The following IFT74 variants were observed in gnomAD, a reference collection of about 807,000 sequenced individuals.
IFT74 encodes the protein intraflagellar transport protein 74 homolog.
IFT74 carries 92 observed loss-of-function variants against 96.7 expected under a neutral mutation model. The observed-to-expected ratio is 0.95, with a 90% CI of 0.80 to 1.13. The LOEUF is 1.13. Ranked by LOEUF, IFT74 falls within the 50% of genes most tolerant of loss-of-function variation. IFT74 has a pLI of 0.00. For synonymous variants in IFT74, 223 were observed against 213.2 expected, an observed-to-expected ratio of 1.05 and a Z score of -0.40; for missense variants, 811 against 698.2, an observed-to-expected ratio of 1.16 and a Z score of -1.82.
At chr9:26,988,616 C>A (rs1024390267) in intron 6 of IFT74, 53 bp from the exon 7 acceptor site, 3 of 1,439,664 alleles carry the variant, frequency 2.1e-6, no homozygotes, top group Non-Finnish European at 2.8e-6. Flanking sequence ...TTATAGAGAA[C>A]ATGTGTAAAG....
Position 26,996,570 on chromosome 9 carries a change from A to G in IFT74, c.587+6375A>G, listed in dbSNP as rs1014760683. On this transcript the variant is annotated intron_variant, in intron 8 of 19. Coordinates refer to ENST00000380062, the MANE Select transcript of IFT74 (RefSeq NM_025103.4). ...GTTAACAACATTTTATAATTGTTTT[A>G]TCTAGAATTTTTGACATATTTGTCA... 7.3e-6 allele frequency: 8 copies of G among 1,102,644 alleles called. No individual in the cohort carries two copies. The Admixed American group carries it at 1.4e-4, about 20-fold the overall frequency. 68.3% of individuals were successfully genotyped at this position (1,102,644 alleles called of 1,614,324 possible). A position where few individuals can be genotyped will look rare whatever the true frequency, so the allele number is the denominator to read the frequency against.
intron 13 of IFT74, among the ~76,000 whole-genome samples, chr9:27,035,251 T>C (rs1222687100): frequency 6.6e-6 from 1 of 152,262 alleles, no homozygotes; most frequent in Non-Finnish European, 1.5e-5. Flanking sequence ...TTCCCGTCAG[T>C]ATTTCCTTCA....
At chr9:26,974,842 C>T (rs1827035601) in intron 2 of IFT74, among the ~76,000 whole-genome samples, 1 of 152,132 alleles carries the variant, frequency 6.6e-6, no homozygotes, top group Non-Finnish European at 1.5e-5. Flanking sequence ...TTTTTTCAAA[C>T]TTTGCACCTC....
At chr9:26,948,448 A>ATTATTATTTTTTT (rs1825819541) in intron 1 of IFT74, among the ~76,000 whole-genome samples, 8 of 59,162 alleles carry the variant, frequency 1.4e-4, no homozygotes, top group Non-Finnish European at 3.1e-4. Context: ...GCTTTCCATT[A>ATTATTATTTTTTT]TTTTTTTTTT....
At chr9:27,016,684 A>G (rs1026693110) in intron 10 of IFT74, among the ~76,000 whole-genome samples, 10 of 152,208 alleles carry the variant, frequency 6.6e-5, no homozygotes, top group African/African-American at 2.2e-4. Flanking sequence ...AACTAAGGCT[A>G]TCAACTTCTT....
At chr9:26,981,589 T>G (rs1827376348) in intron 4 of IFT74, among the ~76,000 whole-genome samples, 1 of 152,010 alleles carries the variant, frequency 6.6e-6, no homozygotes, top group Non-Finnish European at 1.5e-5. Context: ...TAATTTTGTG[T>G]GTGTGTTTTT....
intron 8 of IFT74, among the ~76,000 whole-genome samples, chr9:27,008,363 C>CT (rs776804561): frequency 0.012 from 1,746 of 145,528 alleles, 16 homozygotes; most frequent in African/African-American, 0.03. Context: ...ACTTATTTGT[C>CT]TTTTTTTTTT....
chr9:27,055,812 TG>T (rs1201634965), intron 17 of IFT74, 40 bp downstream of exon 17: 1 of 1,323,958 alleles, frequency 7.6e-7, no homozygotes, highest in Non-Finnish European at 1.0e-6. Context: ...CAATTCAGAT[TG>T]TTTTTTTCTT....
intron 10 of IFT74, among the ~76,000 whole-genome samples, chr9:27,013,320 A>G (rs1052290816): frequency 6.6e-6 from 1 of 152,214 alleles, no homozygotes; most frequent in Non-Finnish European, 1.5e-5. Context: ...ATGTTGTATA[A>G]TTATAACACA....
intron 12 of IFT74, among the ~76,000 whole-genome samples, chr9:27,021,591 A>T (rs148092710): frequency 1.4e-3 from 212 of 152,294 alleles, no homozygotes; most frequent in African/African-American, 4.9e-3. Context: ...GATGTTGAGC[A>T]TCATTTCCTA....
intron 6 of IFT74, among the ~76,000 whole-genome samples, chr9:26,984,863 G>A (rs963998833): frequency 1.3e-5 from 2 of 152,214 alleles, no homozygotes; most frequent in Non-Finnish European, 2.9e-5. Flanking sequence ...TGGTGAGAGT[G>A]TAAATTAGTT....
rs767435930 is a variant in IFT74, at chr9:27,044,722, G to A, written c.1055-20G>A. ...ATGTGCAATTTTTGAAATTCATGTT[G>A]TATTTTATATCTCTCATAGGTGAAA... On this transcript the variant is annotated intron_variant, in intron 13 of 19. Coordinates refer to ENST00000380062, the MANE Select transcript of IFT74 (RefSeq NM_025103.4). 2 of 1,494,352 alleles carry A rather than the reference G, an allele frequency of 1.3e-6. No homozygotes were observed. Among genetic ancestry groups the A allele is most frequent in the East Asian group, 4.6e-5 (2 of 43,838 alleles). 92.6% of individuals were successfully genotyped at this position (1,494,352 alleles called of 1,614,324 possible).
At chr9:26,959,336 C>T (rs1428584933) in intron 1 of IFT74, among the ~76,000 whole-genome samples, 1 of 152,134 alleles carries the variant, frequency 6.6e-6, no homozygotes, top group Non-Finnish European at 1.5e-5. Context: ...GTCTCGATCT[C>T]CTGACTTCGT....
chr9:26,966,029 TATATATATGTATATACATGTATACC>T (rs1281519766), intron 2 of IFT74, among the ~76,000 whole-genome samples: 1 of 152,104 alleles, frequency 6.6e-6, no homozygotes, highest in Non-Finnish European at 1.5e-5. Context: ...TGTGTGTGTG[TATATATATGTATATACATGTATACC>T]ACATTTTCTT....
At chr9:27,055,827 C>A in intron 17 of IFT74, 55 bp downstream of exon 17, 3 of 1,129,158 alleles carry the variant, frequency 2.7e-6, no homozygotes, top group South Asian at 4.0e-5. Flanking sequence ...TTTTCTTGAT[C>A]AAATGTAATA....
rs1381734934 is a variant in IFT74, at chr9:26,958,644, C to A, written c.-20+2128C>A. ...TAGGAGGTGACACCAAGAGGAAGGA[C>A]AAATTTTGAGCAGATGATAATGAGT... On this transcript the variant is annotated intron_variant, in intron 1 of 19. Coordinates refer to ENST00000380062, the MANE Select transcript of IFT74 (RefSeq NM_025103.4). Among the ~76,000 whole-genome samples the A allele has an allele frequency of 3.9e-5, 6 of 152,182 alleles. No individual in the cohort carries two copies. The East Asian group carries it at 1.2e-3, about 29-fold the overall frequency.
At chr9:27,057,002 GTTTT>G (rs1019098525) in intron 18 of IFT74, among the ~76,000 whole-genome samples, 2 of 151,980 alleles carry the variant, frequency 1.3e-5, no homozygotes, top group African/African-American at 4.8e-5. Flanking sequence ...TTAGGAGCTT[GTTTT>G]TCATGATTAA....
intron 1 of IFT74, among the ~76,000 whole-genome samples, chr9:26,948,661 T>G (rs1200033801): frequency 1.3e-5 from 2 of 152,010 alleles, no homozygotes; most frequent in East Asian, 3.9e-4. Context: ...GAAACGAGTT[T>G]CACCATGTTG....
Position 27,056,444 on chromosome 9 carries a change from T to C in IFT74, c.1608T>C (p.Asn536=). 6.3e-7 allele frequency: 1 copy of C among 1,595,702 alleles called. No homozygotes were observed. The highest frequency in any genetic ancestry group is 8.5e-7 in the Non-Finnish European group (1 of 1,173,004). The change falls in exon 18 of 20, where the codon AAT becomes AAC. Residue 536 remains asparagine, a synonymous_variant. Transcript: ENST00000380062. ...YEALKTQLQE[N]ETHSQLTNLE... ...CACTAAAAACACAATTGCAAGAAAA[T>C]GAGACACATTCTCAGGTAAAAAATG...
Sources: gnomAD v4.1 joint callset for allele counts (sites outside exome capture counted in the v4.1 genomes callset) on GRCh38, gnomAD v4.1.1 for gene constraint, MANE v1.5 for transcripts, NCBI Gene and HGNC (gene_info 2026-07-23, HGNC 2026-07-21) for gene names.